Variants in TMPRSS11D observed in about 807,000 individuals in gnomAD.
TMPRSS11D encodes transmembrane serine protease 11D.
Under a neutral mutation model 44.4 loss-of-function variants are expected in TMPRSS11D, and 32 were observed. The observed-to-expected ratio is 0.72, with a 90% CI of 0.54 to 0.97. TMPRSS11D has a LOEUF of 0.97. Among genes scored for constraint, TMPRSS11D ranks in the 50% least tolerant of loss-of-function variants. The pLI is 0.00. For missense variants in TMPRSS11D, 446 were observed against 502.6 expected (o/e 0.89, Z 1.08); for synonymous variants, 179 against 177.9 (o/e 1.01, Z -0.05).
At chr4:67,824,241 G>A (rs1333886306) in intron 9 of TMPRSS11D, among the ~76,000 whole-genome samples, 5 of 151,530 alleles carry the variant, frequency 3.3e-5, no homozygotes, top group Non-Finnish European at 7.4e-5. Context: ...GGTGAGGTAC[G>A]GCTTGAACTG....
In TMPRSS11D at chr4:67,827,516, A is replaced by T; in HGVS notation, c.697T>A (p.Ser233Thr). Residue 233 changes from serine to threonine, a missense_variant, in exon 8 of 10, where the codon TCT becomes ACT. By Grantham distance (58) the Ser-to-Thr change is moderately conservative. Transcript: ENST00000283916. Reference sequence around the variant, plus strand: ...GTGGCAATCCAGTCACGAGGATTAGAGTTGCTAAAACATTATGAAAACATG... The same window carrying T: ...GTGGCAATCCAGTCACGAGGATTAGTGTTGCTAAAACATTATGAAAACATG... Reference protein sequence around the residue: ...LTAAHCFRSNSNPRDWIATSG... With the variant: ...LTAAHCFRSNTNPRDWIATSG... 6.3e-7 allele frequency: 1 copy of T among 1,592,964 alleles called. No individual in the cohort carries two copies. The highest frequency in any genetic ancestry group is 2.2e-5 in the East Asian group (1 of 44,738).
chr4:67,849,167 G>T (rs535106518), intron 3 of TMPRSS11D, among the ~76,000 whole-genome samples: 1 of 152,222 alleles, frequency 6.6e-6, no homozygotes, highest in East Asian at 1.9e-4. Flanking sequence ...TGAATTCTAG[G>T]TTTTTGATTT....
intron 4 of TMPRSS11D, 81 bp downstream of exon 4, chr4:67,842,477 T>C: frequency 8.4e-7 from 1 of 1,188,338 alleles, no homozygotes. Context: ...GAACATGTCA[T>C]TTACTATTCA....
intron 1 of TMPRSS11D, among the ~76,000 whole-genome samples, chr4:67,873,877 T>G (rs1021557863): frequency 2.0e-5 from 3 of 152,142 alleles, no homozygotes; most frequent in Non-Finnish European, 4.4e-5. Context: ...GGCAATCCTC[T>G]TTGCTATAGG....
At chr4:67,826,023 G>A (rs1042053568) in intron 8 of TMPRSS11D, 149 bp from the exon 9 acceptor site, 36 of 981,824 alleles carry the variant, frequency 3.7e-5, no homozygotes, top group South Asian at 9.0e-5. Context: ...GAGTTTCTTC[G>A]CAGCCAAAAT....
In TMPRSS11D at chr4:67,825,722, T is replaced by C; in HGVS notation, c.1095+10A>G. 1.2e-6 allele frequency: 2 copies of C among 1,612,228 alleles called. No homozygotes were observed. The highest frequency in any genetic ancestry group is 8.5e-7 in the Non-Finnish European group (1 of 1,178,974). Reference sequence around the variant, plus strand: ...GGATGATGACATGGATGAGATTGTCTTGAGCTTACCTGACATGCGTCCACT... The same window carrying C: ...GGATGATGACATGGATGAGATTGTCCTGAGCTTACCTGACATGCGTCCACT... On this transcript the variant is annotated intron_variant, in intron 9 of 9. Coordinates refer to ENST00000283916, the MANE Select transcript of TMPRSS11D (RefSeq NM_004262.3).
chr4:67,840,510 C>G (rs1718207353), intron 4 of TMPRSS11D, among the ~76,000 whole-genome samples: 1 of 152,050 alleles, frequency 6.6e-6, no homozygotes. Flanking sequence ...AGACAAGTGA[C>G]TGTATTTGAA....
intron 9 of TMPRSS11D, among the ~76,000 whole-genome samples, chr4:67,825,047 TA>T (rs983940753): frequency 7.2e-5 from 11 of 152,134 alleles, no homozygotes; most frequent in African/African-American, 2.7e-4. Flanking sequence ...TGCATTTGGT[TA>T]AAAATTATGG....
chr4:67,824,937 T>C (rs1409041012), intron 9 of TMPRSS11D, among the ~76,000 whole-genome samples: 2 of 152,158 alleles, frequency 1.3e-5, no homozygotes, highest in African/African-American at 2.4e-5. Flanking sequence ...AACATATAAC[T>C]GCATCAATTA....
intron 4 of TMPRSS11D, among the ~76,000 whole-genome samples, chr4:67,839,307 C>T (rs1264168329): frequency 6.6e-6 from 1 of 152,078 alleles, no homozygotes; most frequent in East Asian, 1.9e-4. Context: ...AGGCACTGAA[C>T]AAATAATTAC....
intron 7 of TMPRSS11D, among the ~76,000 whole-genome samples, chr4:67,832,692 T>C (rs1717975387): frequency 6.6e-6 from 1 of 150,428 alleles, no homozygotes; most frequent in Non-Finnish European, 1.5e-5. Flanking sequence ...ACTGTGCTCA[T>C]ACTAGATACT....
chr4:67,864,736 A>G (rs541412529), intron 1 of TMPRSS11D, among the ~76,000 whole-genome samples: 1 of 152,100 alleles, frequency 6.6e-6, no homozygotes, highest in Admixed American at 6.6e-5. Context: ...TGTTTATATC[A>G]GATAAAACAA....
intron 5 of TMPRSS11D, among the ~76,000 whole-genome samples, chr4:67,835,543 A>G (rs1718059860): frequency 6.6e-6 from 1 of 152,174 alleles, no homozygotes; most frequent in South Asian, 2.1e-4. Context: ...ATACCACTCT[A>G]TAATAAGTGC....
intron 1 of TMPRSS11D, among the ~76,000 whole-genome samples, chr4:67,881,798 G>T (rs1170977749): frequency 6.6e-6 from 1 of 152,134 alleles, no homozygotes; most frequent in South Asian, 2.1e-4. Flanking sequence ...ACAGACAAAA[G>T]GGAAGAAAAT....
At chr4:67,837,461 A>G (rs1187934738) in intron 5 of TMPRSS11D, among the ~76,000 whole-genome samples, 1 of 152,212 alleles carries the variant, frequency 6.6e-6, no homozygotes, top group African/African-American at 2.4e-5. Flanking sequence ...AACAGTTAGT[A>G]CATCTGTAAC....
intron 1 of TMPRSS11D, among the ~76,000 whole-genome samples, chr4:67,880,319 G>A (rs1486487307): frequency 6.6e-6 from 1 of 152,014 alleles, no homozygotes; most frequent in East Asian, 1.9e-4. Context: ...AGAGAATGGA[G>A]GAAGAAAATA....
chr4:67,865,913 T>G (rs1025747120), intron 1 of TMPRSS11D, among the ~76,000 whole-genome samples: 1 of 151,910 alleles, frequency 6.6e-6, no homozygotes, highest in Admixed American at 6.6e-5. Context: ...CTCTACAAGA[T>G]GTATAAAGAA....
intron 2 of TMPRSS11D, among the ~76,000 whole-genome samples, chr4:67,858,812 C>T (rs1718721395): frequency 6.6e-6 from 1 of 152,058 alleles, no homozygotes; most frequent in Non-Finnish European, 1.5e-5. Flanking sequence ...ACACATTTTA[C>T]ATATCTATGT....
At chr4:67,838,433 G>A (rs1718154742) in intron 4 of TMPRSS11D, 104 bp from the exon 5 acceptor site, 2 of 1,112,866 alleles carry the variant, frequency 1.8e-6, no homozygotes, top group Non-Finnish European at 2.4e-6. Context: ...ATTCATTTGT[G>A]GAATTTAACT....
Sources: gnomAD v4.1 joint callset for allele counts (sites outside exome capture counted in the v4.1 genomes callset) on GRCh38, gnomAD v4.1.1 for gene constraint, MANE v1.5 for transcripts, NCBI Gene and HGNC (gene_info 2026-07-23, HGNC 2026-07-21) for gene names.